The following DDX56 variants were observed in gnomAD, a reference collection of about 807,000 sequenced individuals.
DDX56 encodes probable ATP-dependent RNA helicase DDX56.
Under a neutral mutation model 61.5 loss-of-function variants are expected in DDX56, and 45 were observed. That is an observed-to-expected ratio of 0.73 (90% CI 0.58 to 0.94). DDX56 has a LOEUF of 0.94. Among genes scored for constraint, DDX56 ranks in the 40% least tolerant of loss-of-function variants. The pLI, the probability that DDX56 is intolerant of heterozygous loss-of-function variation, is 0.00. For synonymous variants in DDX56, 273 were observed against 268.3 expected (o/e 1.02, Z -0.17); for missense variants, 708 against 690.7 (o/e 1.02, Z -0.28).
intron 5 of DDX56, 46 bp downstream of exon 5, chr7:44,572,301 G>GT: frequency 1.3e-6 from 2 of 1,504,254 alleles, no homozygotes; most frequent in Non-Finnish European, 1.8e-6. Flanking sequence ...AGATCTTTGA[G>GT]TGCCCCCATG....
In DDX56 at chr7:44,573,866, T is replaced by G. The variant is rs763773210; in HGVS notation, c.30A>C (p.Glu10Asp). The stretch of plus-strand genomic sequence containing the variant: ...GGAGCCGGGGATCGAGGCCCATGTG[T>G]TCGAAGCCCAGTGCTTCAGAGTCCT... Reference protein sequence around the residue: MEDSEALGFEHMGLDPRLLQ... With the variant: MEDSEALGFDHMGLDPRLLQ... Residue 10 changes from glutamate to aspartate, a missense_variant, in exon 1 of 14, where the codon GAA becomes GAC. By Grantham distance (45) the Glu-to-Asp change is conservative. Coordinates refer to ENST00000258772, the MANE Select transcript of DDX56 (RefSeq NM_019082.4). The G allele has an allele frequency of 9.9e-6, 16 of 1,613,184 alleles. No homozygotes were observed. The highest frequency in any genetic ancestry group is 1.3e-5 in the African/African-American group (1 of 74,942).
Position 44,566,204 on chromosome 7 carries a change from G to C in DDX56, c.1567-125C>G, listed in dbSNP as rs1262225094. The C allele has an allele frequency of 7.8e-6, 5 of 640,112 alleles. No homozygotes were observed. In the Admixed American group the frequency reaches 1.5e-4, roughly 19 times the overall value. 39.7% of individuals were successfully genotyped at this position (640,112 alleles called of 1,614,324 possible). A position where few individuals can be genotyped will look rare whatever the true frequency, so the allele number is the denominator to read the frequency against. ...GGCAACTGGCCAACACGACCAGAAGGTGCTGCAGATAAGGAAATGGGGAAA... is the reference window on the plus strand; with the variant it reads ...GGCAACTGGCCAACACGACCAGAAGCTGCTGCAGATAAGGAAATGGGGAAA... On this transcript the variant is annotated intron_variant, in intron 13 of 13. Coordinates refer to ENST00000258772, the MANE Select transcript of DDX56 (RefSeq NM_019082.4).
rs571135815 is a variant in DDX56, at chr7:44,567,027, A to G, written c.1490-503T>C. Among the ~76,000 whole-genome samples, 37 of 152,126 alleles carry G rather than the reference A, an allele frequency of 2.4e-4. 1 individual carries two copies. Among genetic ancestry groups the G allele is most frequent in the Admixed American group, 2.0e-3 (31 of 15,282 alleles). On this transcript the variant is annotated intron_variant, in intron 12 of 13. Coordinates refer to ENST00000258772, the MANE Select transcript of DDX56 (RefSeq NM_019082.4). ...AAACCTCCTGGCCACACCTTGGCAA[A>G]TGACTCCGCTATACGAGCAGACTGG...
chr7:44,569,268 G>A, intron 9 of DDX56, 65 bp from the exon 10 acceptor site: 3 of 1,482,546 alleles, frequency 2.0e-6, no homozygotes, highest in Non-Finnish European at 2.8e-6. Context: ...TTCATTGGAG[G>A]CCTCCTGCAC....
At position 44,572,922 on chromosome 7, in the gene DDX56, A is replaced by G. The variant is rs200898909; in HGVS notation, c.351T>C (p.Asn117=). 8.1e-6 allele frequency: 13 copies of G among 1,605,146 alleles called. No homozygotes were observed. In the Admixed American group the frequency reaches 1.0e-4, roughly 13 times the overall value. The change falls in exon 3 of 14, where the codon AAT becomes AAC. Residue 117 remains asparagine (N), a synonymous_variant. Coordinates refer to ENST00000258772, the MANE Select transcript of DDX56 (RefSeq NM_019082.4). ...AGACTGAGTCTTCAGCAGCTGAGAC[A>G]TTGGCCACTCGGACATCCCGAGCAC... ...TYCARDVRVA[N]VSAAEDSVSQ...
chr7:44,573,042 C>T lies in DDX56; in HGVS notation c.231G>A (p.Pro77=), dbSNP rs781490901. Residue 77 remains proline (P), a synonymous_variant, in exon 3 of 14, where the codon CCG becomes CCA. Coordinates refer to ENST00000258772, the MANE Select transcript of DDX56 (RefSeq NM_019082.4). ...GGCCTCTCACTGCCTGTTCTACCAC[C>T]GGACCTGTCTGTAAGAATATGAATT... ...QLLLHRKATG[P]VVEQAVRGLV... is the part of the protein sequence containing the mutation. The T allele has an allele frequency of 2.5e-6, 4 of 1,580,860 alleles. No homozygotes were observed. The highest frequency in any genetic ancestry group is 3.8e-5 in the Admixed American group (2 of 53,142).
intron 13 of DDX56, 184 bp downstream of exon 13, chr7:44,566,264 G>C (rs1283289476): frequency 2.8e-6 from 2 of 704,444 alleles, no homozygotes; most frequent in Admixed American, 5.0e-5. Flanking sequence ...GCCTGCAGGC[G>C]GCTGCAAAAG....
Position 44,568,122 on chromosome 7 carries a change from G to A in DDX56, c.1485C>T (p.Tyr495=). 1 of 1,613,308 alleles carries A rather than the reference G, an allele frequency of 6.2e-7. No individual in the cohort carries two copies. The highest frequency in any genetic ancestry group is 1.1e-5 in the South Asian group (1 of 91,064). ...VKPHLGHVPD[Y]LVPPALRGLV... ...GCCCTGTCAGGCCACACTCACCCAG[G>A]TAGTCAGGAACATGGCCCAGGTGGG... The change falls in exon 12 of 14, where the codon TAC becomes TAT. Residue 495 remains tyrosine (Y), a synonymous_variant. Coordinates refer to ENST00000258772, the MANE Select transcript of DDX56 (RefSeq NM_019082.4).
Position 44,566,519 on chromosome 7 carries a change from G to A in DDX56, c.1495C>T (p.Pro499Ser), listed in dbSNP as rs1467856277. 5.1e-6 allele frequency: 8 copies of A among 1,560,714 alleles called. No individual in the cohort carries two copies. The highest frequency in any genetic ancestry group is 1.2e-5 in the South Asian group (1 of 84,952). ...GGGCGCACCAGGCCACGGAGAGCAGGAGGAACTGGAAGAGATGCTTGCCTG... is the reference window on the plus strand; with the variant it reads ...GGGCGCACCAGGCCACGGAGAGCAGAAGGAACTGGAAGAGATGCTTGCCTG... ...LGHVPDYLVPPALRGLVRPHK... is the reference protein window; with the variant it reads ...LGHVPDYLVPSALRGLVRPHK... The change falls in exon 13 of 14, where the codon CCT becomes TCT. Residue 499 changes from proline to serine, a missense_variant. Pro to Ser is a moderately conservative substitution (Grantham distance 74). Transcript: ENST00000258772.
rs1802739563 is a variant in DDX56 at position 44,573,627 on chromosome 7, C to A, written c.178G>T (p.Ala60Ser). The change falls in exon 2 of 14, where the codon GCT (alanine) becomes TCT (serine). Residue 60 changes from alanine to serine, a missense_variant. Coordinates refer to ENST00000258772, the MANE Select transcript of DDX56 (RefSeq NM_019082.4). Reference sequence around the variant, plus strand: ...AGCTGCAGCATCGGAATAGCATAAGCGGCCGTCTTCCCGGAGCCCGTGCGG... The same window carrying A: ...AGCTGCAGCATCGGAATAGCATAAGAGGCCGTCTTCCCGGAGCCCGTGCGG... ...RARTGSGKTA[A>S]YAIPMLQLLL... is the part of the protein sequence containing the mutation. 2 of 1,613,744 alleles carry A rather than the reference C, an allele frequency of 1.2e-6. No homozygotes were observed. The highest frequency in any genetic ancestry group is 2.7e-5 in the African/African-American group (2 of 74,954).
At chr7:44,569,017 G>C in intron 10 of DDX56, 25 bp from the exon 11 acceptor site, 1 of 1,613,242 alleles carries the variant, frequency 6.2e-7, no homozygotes, top group Non-Finnish European at 8.5e-7. Flanking sequence ...TGAAGGTCAA[G>C]ACAGTGAGGC....
Position 44,571,655 on chromosome 7 carries a change from CT to C in DDX56, c.726del (p.Asp243ThrfsTer14). 6.2e-7 allele frequency: 1 copy of C among 1,614,172 alleles called. No individual in the cohort carries two copies. Among genetic ancestry groups the C allele is most frequent in the Non-Finnish European group, 8.5e-7 (1 of 1,180,034 alleles). ...AGGGCATACAGCAGGAGGAATTTGT[CT>C]TCCTCAGTCTCACAGACCACCTGAA... ...QQFQVVCETE[E>X]DKFLLLYALL... On this transcript the variant is annotated frameshift_variant, in exon 6 of 14. Coordinates refer to ENST00000258772, the MANE Select transcript of DDX56 (RefSeq NM_019082.4). LOFTEE classifies it high-confidence loss of function.
In DDX56 at chr7:44,573,701, T is replaced by C; in HGVS notation, c.104A>G (p.Glu35Gly). ...TTCTAGGGCCAGTGGGATGGCCTTCTCCTGGATCAGCGTAGGTCGCGACCA... is the reference window on the plus strand; with the variant it reads ...TTCTAGGGCCAGTGGGATGGCCTTCCCCTGGATCAGCGTAGGTCGCGACCA... Reference protein sequence around the residue: ...LGWSRPTLIQEKAIPLALEGK... With the variant: ...LGWSRPTLIQGKAIPLALEGK... The change falls in exon 2 of 14, where the codon GAG (glutamate) becomes GGG (glycine). Residue 35 changes from glutamate (E) to glycine (G), a missense_variant. Coordinates refer to ENST00000258772, the MANE Select transcript of DDX56 (RefSeq NM_019082.4). 6.2e-7 allele frequency: 1 copy of C among 1,613,734 alleles called. No homozygotes were observed. The highest frequency in any genetic ancestry group is 8.5e-7 in the Non-Finnish European group (1 of 1,180,028).
At chr7:44,569,035 A>G (rs373489091) in intron 10 of DDX56, 43 bp from the exon 11 acceptor site, 1 of 1,611,918 alleles carries the variant, frequency 6.2e-7, no homozygotes. Context: ...GGCTGCCCCA[A>G]ATCCTCCCTT....
intron 12 of DDX56, among the ~76,000 whole-genome samples, chr7:44,567,537 T>A (rs1055495040): frequency 2.0e-5 from 3 of 152,330 alleles, no homozygotes; most frequent in South Asian, 2.1e-4. Flanking sequence ...AATGGCCACA[T>A]AAAGCTCTAG....
intron 2 of DDX56, 120 bp downstream of exon 2, chr7:44,573,463 G>A (rs1190008576): frequency 9.7e-6 from 13 of 1,338,376 alleles, no homozygotes; most frequent in African/African-American, 5.8e-5. Context: ...AACAGCACCA[G>A]GTTCTCAGGC....
rs1802635564 is a variant in DDX56 at position 44,570,139 on chromosome 7, A to ATC, written c.1011-12_1011-11insGA. Reference sequence around the variant, plus strand: ...TCCGGATCAGAGGCCCTGCAGAGATAACTCAATGTCAGCCGGACCCTTCCT... The same window carrying ATC: ...TCCGGATCAGAGGCCCTGCAGAGATATCACTCAATGTCAGCCGGACCCTTCCT... On this transcript the variant is annotated splice_polypyrimidine_tract_variant and intron_variant, in intron 7 of 13. Transcript: ENST00000258772. The ATC allele has an allele frequency of 1.9e-6, 3 of 1,613,568 alleles. No individual in the cohort carries two copies. The East Asian group carries it at 6.7e-5, about 36-fold the overall frequency.
chr7:44,569,069 G>T (rs1220548199), intron 10 of DDX56, 61 bp downstream of exon 10: 2 of 1,610,508 alleles, frequency 1.2e-6, no homozygotes, highest in Non-Finnish European at 1.7e-6. Context: ...TCAGCAAGAC[G>T]GTGCAATCCC....
Position 44,570,761 on chromosome 7 carries a change from TC to T in DDX56, c.1006del (p.Asp336ThrfsTer14). 6.2e-7 allele frequency: 1 copy of T among 1,608,694 alleles called. No individual in the cohort carries two copies. The highest frequency in any genetic ancestry group is 8.5e-7 in the Non-Finnish European group (1 of 1,177,198). ...GGAAAAAGAGGCATGGACTCACTTG[TC>T]CCCTTTGGGCCCTCGGCCCCGACGC... ...GKRRGRGPKG[D>X]KASDPEAGVA... On this transcript the variant is annotated frameshift_variant, in exon 7 of 14. Transcript: ENST00000258772. LOFTEE classifies it high-confidence loss of function.
Sources: allele counts gnomAD v4.1 joint callset (sites outside exome capture counted in the v4.1 genomes callset), GRCh38; gene constraint gnomAD v4.1.1; transcripts MANE v1.5; gene names NCBI Gene and HGNC (gene_info 2026-07-23, HGNC 2026-07-21).